The following NFIX variants were observed in gnomAD, a reference collection of about 807,000 sequenced individuals.
NFIX encodes the protein nuclear factor I X, also known as nuclear factor 1 X-type.
Under a neutral mutation model 53.3 loss-of-function variants are expected in NFIX, and 2 were observed. The observed-to-expected ratio is 0.04, with a 90% CI of 0.02 to 0.12. The LOEUF is 0.12. NFIX is among the 10% of genes least tolerant of loss of function. The pLI is 1.00. For synonymous variants in NFIX, 244 were observed against 289.0 expected, an observed-to-expected ratio of 0.84 and a Z score of 1.58; for missense variants, 310 against 674.5, an observed-to-expected ratio of 0.46 and a Z score of 5.99.
At chr19:13,054,614 C>T (rs979776022) in intron 2 of NFIX, among the ~76,000 whole-genome samples, 25 of 152,086 alleles carry the variant, frequency 1.6e-4, no homozygotes, top group Admixed American at 1.4e-3. Flanking sequence ...GAGCTGGGTC[C>T]GTAGCAAGTG....
chr19:13,025,772 A>G lies in NFIX; in HGVS notation c.559+220A>G, dbSNP rs902778626. The stretch of plus-strand genomic sequence containing the variant: ...ATTCTTCCTCCTCTGCCCCCTGGCC[A>G]TGGTATCGACTTTGTGCATCTCCAT... On this transcript the variant is annotated intron_variant, in intron 2 of 10. Transcript: ENST00000592199. This position sits in a 1 kb window ranked among gnomAD's most constrained non-coding sequence, Gnocchi z 7.5. 3.3e-5 allele frequency among the ~76,000 whole-genome samples: 5 copies of G among 151,904 alleles called. No homozygotes were observed. Among genetic ancestry groups the G allele is most frequent in the African/African-American group, 1.2e-4 (5 of 41,332 alleles).
rs2016390286 is a variant in NFIX at position 13,066,179 on chromosome 19, T to G, written c.560-6868T>G. Reference sequence around the variant, plus strand: ...TTCTCCTCGCTTCCCGAAGCCTTACTGCCGAGCTGTGAGTCCTGTAGTAGC... The same window carrying G: ...TTCTCCTCGCTTCCCGAAGCCTTACGGCCGAGCTGTGAGTCCTGTAGTAGC... On this transcript the variant is annotated intron_variant, in intron 2 of 10. Transcript: ENST00000592199. This position sits in a 1 kb window ranked among gnomAD's most constrained non-coding sequence, Gnocchi z 4.2. 6.6e-6 allele frequency among the ~76,000 whole-genome samples: 1 copy of G among 152,188 alleles called. No homozygotes were observed. The highest frequency in any genetic ancestry group is 6.5e-5 in the Admixed American group (1 of 15,288).
chr19:13,065,596 T>C lies in NFIX; in HGVS notation c.560-7451T>C, dbSNP rs566104902. ...GTTGGGCTGATCCTGGAGTGGCCAT[T>C]GGCAGGTGGGCCTTTGTCCACCTGC... On this transcript the variant is annotated intron_variant, in intron 2 of 10. Coordinates refer to ENST00000592199, the MANE Select transcript of NFIX (RefSeq NM_001365902.3). Among the ~76,000 whole-genome samples, 9 of 152,292 alleles carry C rather than the reference T, an allele frequency of 5.9e-5. No homozygotes were observed. The East Asian group carries it at 1.7e-3, about 29-fold the overall frequency.
chr19:12,997,121 T>C (rs553345346), intron 1 of NFIX, among the ~76,000 whole-genome samples: 1 of 152,366 alleles, frequency 6.6e-6, no homozygotes, highest in African/African-American at 2.4e-5. Flanking sequence ...ATGTGCCAAG[T>C]GTGTCCACAG....
Position 13,025,548 on chromosome 19 carries a change from T to G in NFIX, c.555T>G (p.Thr185=). The change falls in exon 2 of 11, where the codon ACT becomes ACG. Residue 185 remains threonine (T), a synonymous_variant. Transcript: ENST00000592199. This position sits in a 1 kb window ranked among gnomAD's most constrained non-coding sequence, Gnocchi z 7.5. ...TTTATCTGGCTTACTTTGTCCACAC[T>G]CCGGGTAGGTCGTTCTCAACCATTT... ...LDLYLAYFVH[T]PESGQSDSSN... is the part of the protein sequence containing the mutation. 1 of 1,603,950 alleles carries G rather than the reference T, an allele frequency of 6.2e-7. No individual in the cohort carries two copies. Among genetic ancestry groups the G allele is most frequent in the Non-Finnish European group, 8.5e-7 (1 of 1,172,968 alleles).
At chr19:12,999,899 C>A (rs2011615309) in intron 1 of NFIX, among the ~76,000 whole-genome samples, 1 of 152,240 alleles carries the variant, frequency 6.6e-6, no homozygotes, top group Non-Finnish European at 1.5e-5. Context: ...CTGGCCCTGC[C>A]TGATTCATGC....
In NFIX at chr19:13,025,332, G is replaced by A; in HGVS notation, c.339G>A (p.Lys113=). The change falls in exon 2 of 11, where the codon AAG becomes AAA. Residue 113 remains lysine (K), a synonymous_variant. Coordinates refer to ENST00000592199, the MANE Select transcript of NFIX (RefSeq NM_001365902.3). This position sits in a 1 kb window ranked among gnomAD's most constrained non-coding sequence, Gnocchi z 7.5. ...TCTCCAACCCCGACCAGAAGGGCAAGATCCGGCGGATTGACTGCCTGCGCC... is the reference window on the plus strand; with the variant it reads ...TCTCCAACCCCGACCAGAAGGGCAAAATCCGGCGGATTGACTGCCTGCGCC... ...CVLSNPDQKG[K]IRRIDCLRQA... is the part of the protein sequence containing the mutation. 2 of 1,614,154 alleles carry A rather than the reference G, an allele frequency of 1.2e-6. No homozygotes were observed. The highest frequency in any genetic ancestry group is 1.7e-6 in the Non-Finnish European group (2 of 1,179,962).
chr19:13,050,755 A>G (rs1386076856), intron 2 of NFIX, among the ~76,000 whole-genome samples: 1 of 152,024 alleles, frequency 6.6e-6, no homozygotes, highest in Non-Finnish European at 1.5e-5. Context: ...GGACTTGGAG[A>G]GCTCTAGAGT....
chr19:13,018,036 C>T (rs948821644), intron 1 of NFIX, among the ~76,000 whole-genome samples: 1 of 152,178 alleles, frequency 6.6e-6, no homozygotes, highest in Non-Finnish European at 1.5e-5. Context: ...GCCTTCCTGG[C>T]TTTTACTTCT....
chr19:13,091,540 G>A (rs879745169), intron 10 of NFIX, among the ~76,000 whole-genome samples: 3 of 151,864 alleles, frequency 2.0e-5, no homozygotes, highest in Non-Finnish European at 4.4e-5. Context: ...CGTCTGACCC[G>A]TCTGGTTTCC....
chr19:13,039,220 A>ACCCCC lies in NFIX; in HGVS notation c.559+13673_559+13677dup, dbSNP rs766690895. On this transcript the variant is annotated intron_variant, in intron 2 of 10. Coordinates refer to ENST00000592199, the MANE Select transcript of NFIX (RefSeq NM_001365902.3). ...TACATGCATTTCTTTTAAATTAAAC[A>ACCCCC]CCCCCCCCCACACACACACATACAC... is the stretch of plus-strand genomic sequence containing the variant. Among the ~76,000 whole-genome samples the ACCCCC allele has an allele frequency of 8.1e-4, 110 of 135,682 alleles. 1 individual carries two copies. Among genetic ancestry groups the ACCCCC allele is most frequent in the African/African-American group, 3.0e-3 (96 of 32,204 alleles). 89.0% of individuals were successfully genotyped at this position (135,682 alleles called of 152,430 possible).
In NFIX at chr19:13,095,308, C is replaced by A. The variant is rs1599892994; in HGVS notation, c.*659C>A. 2 of 152,290 alleles carry A rather than the reference C, an allele frequency of 1.3e-5. No individual in the cohort carries two copies. The highest frequency in any genetic ancestry group is 2.9e-5 in the Non-Finnish European group (2 of 68,168). The allele number at this position is 152,290 out of a possible 1,614,324, so 9.4% of individuals were successfully genotyped here. A position where few individuals can be genotyped will look rare whatever the true frequency, so the allele number is the denominator to read the frequency against. On this transcript the variant is annotated 3_prime_UTR_variant, in exon 11 of 11. Transcript: ENST00000592199. The stretch of plus-strand genomic sequence containing the variant: ...CACCCTTGGGCTAAAAGCCCCCAGG[C>A]GGGCAGGGGGTGACCCCTGGAGCTA...
At chr19:13,004,469 C>G (rs146165218) in intron 1 of NFIX, among the ~76,000 whole-genome samples, 1 of 152,104 alleles carries the variant, frequency 6.6e-6, no homozygotes, top group African/African-American at 2.4e-5. Flanking sequence ...CACACAGGGA[C>G]GAGAGCCACA....
At chr19:13,000,850 C>T (rs1045263963) in intron 1 of NFIX, among the ~76,000 whole-genome samples, 2 of 152,154 alleles carry the variant, frequency 1.3e-5, no homozygotes, top group Admixed American at 1.3e-4. Context: ...CGGGTGGGAG[C>T]AATGCTGGGT....
At position 13,073,034 on chromosome 19, in the gene NFIX, G is replaced by T. The variant is rs752125145; in HGVS notation, c.560-13G>T. 1.1e-4 allele frequency: 182 copies of T among 1,613,616 alleles called. 1 individual carries two copies. The highest frequency in any genetic ancestry group is 8.5e-7 in the Non-Finnish European group (1 of 1,179,670). Reference sequence around the variant, plus strand: ...TGCTCCTGATACATTCTCCCCTTTTGTGTCTCCTGCAGAATCCGGACAATC... The same window carrying T: ...TGCTCCTGATACATTCTCCCCTTTTTTGTCTCCTGCAGAATCCGGACAATC... On this transcript the variant is annotated splice_polypyrimidine_tract_variant and intron_variant, in intron 2 of 10. Coordinates refer to ENST00000592199, the MANE Select transcript of NFIX (RefSeq NM_001365902.3). The surrounding 1 kb of genome is among the most constrained non-coding windows in gnomAD (Gnocchi z 4.5).
chr19:13,026,016 C>T (rs555173883), intron 2 of NFIX, among the ~76,000 whole-genome samples: 5 of 152,134 alleles, frequency 3.3e-5, no homozygotes, highest in African/African-American at 9.6e-5. Flanking sequence ...TTGGTACAAG[C>T]GGGATGGGCA....
intron 2 of NFIX, among the ~76,000 whole-genome samples, chr19:13,062,526 G>T (rs1355738098): frequency 6.6e-6 from 1 of 152,224 alleles, no homozygotes; most frequent in Non-Finnish European, 1.5e-5. Flanking sequence ...ATGGTCTAGT[G>T]GGGTGTTCCT....
chr19:13,075,820 G>A lies in NFIX; in HGVS notation c.955+149G>A, dbSNP rs577187178. On this transcript the variant is annotated intron_variant, in intron 6 of 10. Coordinates refer to ENST00000592199, the MANE Select transcript of NFIX (RefSeq NM_001365902.3). The stretch of plus-strand genomic sequence containing the variant: ...TTCTTGCCTCCTGATCTTCCAGGGA[G>A]GGCAGAGCAGGCTGAAGGAAGGGAG... The A allele has an allele frequency of 1.5e-4, 151 of 982,582 alleles. No homozygotes were observed. In the South Asian group the frequency reaches 2.5e-3, roughly 16 times the overall value. 60.9% of individuals were successfully genotyped at this position (982,582 alleles called of 1,614,324 possible). A position where few individuals can be genotyped will look rare whatever the true frequency, so the allele number is the denominator to read the frequency against.
At position 13,014,604 on chromosome 19, in the gene NFIX, C is replaced by T. The variant is rs1013169005; in HGVS notation, c.28-10417C>T. ...ATTAAATTGAACAGTTCTTTCTTTC[C>T]AGCCCCATATGCAATAGGAAGAGAA... is the stretch of plus-strand genomic sequence containing the variant. On this transcript the variant is annotated intron_variant, in intron 1 of 10. Coordinates refer to ENST00000592199, the MANE Select transcript of NFIX (RefSeq NM_001365902.3). The surrounding 1 kb of genome is among the most constrained non-coding windows in gnomAD (Gnocchi z 4.4). 4 of 152,272 alleles carry T rather than the reference C, an allele frequency of 2.6e-5. No homozygotes were observed. Among genetic ancestry groups the T allele is most frequent in the African/African-American group, 9.6e-5 (4 of 41,464 alleles). 9.4% of individuals were successfully genotyped at this position (152,272 alleles called of 1,614,324 possible).
Sources: allele counts gnomAD v4.1 joint callset (sites outside exome capture counted in the v4.1 genomes callset), GRCh38; gene constraint gnomAD v4.1.1; non-coding constraint Gnocchi (gnomAD v3.1); transcripts MANE v1.5; gene names NCBI Gene and HGNC (gene_info 2026-07-23, HGNC 2026-07-21).